TENT4A: variants seen among roughly 807,000 people sequenced by gnomAD.
The protein encoded by TENT4A is DNA polymerase kappa.
TENT4A carries 7 observed loss-of-function variants against 72.8 expected under a neutral mutation model. The ratio of observed to expected loss-of-function variants is 0.10; its 90% CI spans 0.05 to 0.18. The LOEUF (loss-of-function observed/expected upper bound fraction) is 0.18. Ranked by LOEUF, TENT4A falls within the 10% of genes least tolerant of loss-of-function variation. The pLI is 1.00. For missense variants in TENT4A, 831 were observed against 1,017.7 expected (o/e 0.82, Z 2.50); for synonymous variants, 456 against 434.3 (o/e 1.05, Z -0.62).
intron 4 of TENT4A, among the ~76,000 whole-genome samples, chr5:6,740,514 C>G (rs1210626719): frequency 2.0e-5 from 3 of 152,154 alleles, no homozygotes; most frequent in African/African-American, 4.8e-5. Context: ...GATTCACATC[C>G]TTATAGTGTT....
At chr5:6,743,324 G>T (rs1384435919) in intron 5 of TENT4A, among the ~76,000 whole-genome samples, 1 of 152,066 alleles carries the variant, frequency 6.6e-6, no homozygotes, top group African/African-American at 2.4e-5. Flanking sequence ...ATCTCCTGCC[G>T]CTCTGCCTTC....
At chr5:6,742,427 T>G in intron 4 of TENT4A, 63 bp from the exon 5 acceptor site, 2 of 1,059,246 alleles carry the variant, frequency 1.9e-6, no homozygotes, top group Non-Finnish European at 3.0e-6. Context: ...TTGGCAGCAT[T>G]TTGATGCCTG....
chr5:6,715,831 C>T (rs924881002), intron 1 of TENT4A, among the ~76,000 whole-genome samples: 3 of 152,168 alleles, frequency 2.0e-5, no homozygotes, highest in South Asian at 4.1e-4. Flanking sequence ...CAAGCGATAC[C>T]TTCTAAATTT....
intron 7 of TENT4A, among the ~76,000 whole-genome samples, chr5:6,747,798 A>G (rs1742188611): frequency 6.6e-6 from 1 of 152,264 alleles, no homozygotes; most frequent in Non-Finnish European, 1.5e-5. Context: ...CCTGATTGTG[A>G]AGAATGAGTT....
chr5:6,737,162 G>A (rs966953716), intron 1 of TENT4A, among the ~76,000 whole-genome samples: 3 of 152,228 alleles, frequency 2.0e-5, no homozygotes, highest in Non-Finnish European at 4.4e-5. Context: ...TCAGAAGTGT[G>A]CCTAACTGTG....
chr5:6,748,746 T>C (rs1349957663), intron 8 of TENT4A, among the ~76,000 whole-genome samples, 156 bp downstream of exon 8: 2 of 152,182 alleles, frequency 1.3e-5, no homozygotes, highest in African/African-American at 4.8e-5. Context: ...CTTCTAGGAA[T>C]ATGGGATGGC....
At chr5:6,719,906 T>C (rs1740561674) in intron 1 of TENT4A, among the ~76,000 whole-genome samples, 1 of 152,228 alleles carries the variant, frequency 6.6e-6, no homozygotes, top group South Asian at 2.1e-4. Flanking sequence ...CTGGGTTCTC[T>C]GCTTAGGCTT....
In TENT4A at chr5:6,713,519, G is replaced by T; in HGVS notation, c.-465G>T. 2 of 149,082 alleles carry T rather than the reference G, an allele frequency of 1.3e-5. No individual in the cohort carries two copies. The highest frequency in any genetic ancestry group is 3.8e-4 in the South Asian group (2 of 5,232). The allele number at this position is 149,082 out of a possible 1,614,324, so 9.2% of individuals were successfully genotyped here. ...AGCGCCGAGCCAGCGGCGCGAGCGTGACTGAGGGCTAGCCGCACGGGCGGC... is the reference window on the plus strand; with the variant it reads ...AGCGCCGAGCCAGCGGCGCGAGCGTTACTGAGGGCTAGCCGCACGGGCGGC... On this transcript the variant is annotated 5_prime_UTR_variant, in exon 1 of 13. Transcript: ENST00000230859.
At chr5:6,738,637 G>C in intron 2 of TENT4A, 46 bp from the exon 3 acceptor site, 1 of 1,411,718 alleles carries the variant, frequency 7.1e-7, no homozygotes, top group Non-Finnish European at 1.0e-6. Context: ...TAGTGTGACT[G>C]CTTGGTTTGT....
intron 1 of TENT4A, among the ~76,000 whole-genome samples, chr5:6,716,377 C>G (rs1293308989): frequency 1.3e-5 from 2 of 152,154 alleles, no homozygotes; most frequent in Admixed American, 6.5e-5. Flanking sequence ...TGCAGGTCCC[C>G]TCTCACGCTC....
At chr5:6,735,511 A>G (rs987953356) in intron 1 of TENT4A, among the ~76,000 whole-genome samples, 9 of 152,184 alleles carry the variant, frequency 5.9e-5, no homozygotes, top group Admixed American at 6.5e-5. Flanking sequence ...AACGTGACAT[A>G]TCTAGTCCTG....
intron 1 of TENT4A, among the ~76,000 whole-genome samples, chr5:6,729,340 C>T (rs1162943603): frequency 2.0e-5 from 3 of 152,154 alleles, no homozygotes; most frequent in Non-Finnish European, 4.4e-5. Flanking sequence ...TGTGTAGTGT[C>T]CCAGGATATT....
intron 6 of TENT4A, among the ~76,000 whole-genome samples, chr5:6,744,873 C>A (rs991168584): frequency 6.6e-6 from 1 of 152,192 alleles, no homozygotes; most frequent in African/African-American, 2.4e-5. Context: ...ATTTTCATGG[C>A]CTTGTAGTAA....
chr5:6,743,114 C>T (rs1038832287), intron 5 of TENT4A, among the ~76,000 whole-genome samples: 9 of 152,096 alleles, frequency 5.9e-5, no homozygotes, highest in Non-Finnish European at 8.8e-5. Context: ...TCCGGGTGGT[C>T]GTGACCTCCT....
chr5:6,750,310 C>T, intron 9 of TENT4A, 21 bp from the exon 10 acceptor site: 1 of 1,594,796 alleles, frequency 6.3e-7, no homozygotes, highest in Admixed American at 1.7e-5. Context: ...AGTTATTAAC[C>T]AAGGCTTTTT....
At chr5:6,729,307 G>A (rs932878797) in intron 1 of TENT4A, among the ~76,000 whole-genome samples, 10 of 152,212 alleles carry the variant, frequency 6.6e-5, no homozygotes, top group African/African-American at 2.4e-4. Context: ...AGGATCTAGT[G>A]CAAATGTTAG....
intron 4 of TENT4A, among the ~76,000 whole-genome samples, chr5:6,742,068 AAT>A (rs1741834056): frequency 6.6e-6 from 1 of 152,242 alleles, no homozygotes; most frequent in African/African-American, 2.4e-5. Flanking sequence ...GTAGAGAAAC[AAT>A]ATCAGTATAA....
rs1461585850 is a variant in TENT4A, at chr5:6,737,048, C to T, written c.717-462C>T. Among the ~76,000 whole-genome samples, 5 of 152,226 alleles carry T rather than the reference C, an allele frequency of 3.3e-5. No homozygotes were observed. In the East Asian group the frequency reaches 9.6e-4, roughly 29 times the overall value. On this transcript the variant is annotated intron_variant, in intron 1 of 12. Transcript: ENST00000230859. ...TTTTTCCTGTTCACATGTTCCTTCC[C>T]CACACCTTGGCCCATTCTCAGTCCC... is the stretch of plus-strand genomic sequence containing the variant.
At chr5:6,723,368 A>C (rs1740754745) in intron 1 of TENT4A, among the ~76,000 whole-genome samples, 1 of 131,636 alleles carries the variant, frequency 7.6e-6, no homozygotes, top group Non-Finnish European at 1.6e-5. Flanking sequence ...TTCTCTCAAC[A>C]GTCTTCCTGG....
Sources: allele counts gnomAD v4.1 joint callset (sites outside exome capture counted in the v4.1 genomes callset), GRCh38; gene constraint gnomAD v4.1.1; transcripts MANE v1.5; gene names NCBI Gene and HGNC (gene_info 2026-07-23, HGNC 2026-07-21).